CSGALNACT1: variants seen among roughly 807,000 people sequenced by gnomAD.
CSGALNACT1 encodes the protein chondroitin sulfate N-acetylgalactosaminyltransferase 1.
In CSGALNACT1, 52 loss-of-function variants were observed where a neutral mutation model predicts 51.0. That is an observed-to-expected ratio of 1.02 (90% CI 0.82 to 1.29). The LOEUF is 1.29. Ranked by LOEUF, CSGALNACT1 falls within the 50% of genes most tolerant of loss-of-function variation. The pLI, the probability that CSGALNACT1 is intolerant of heterozygous loss-of-function variation, is 0.00. For synonymous variants in CSGALNACT1, 341 were observed against 254.4 expected (o/e 1.34, Z -3.24); for missense variants, 935 against 679.2 (o/e 1.38, Z -4.19).
chr8:19,502,131 A>G (rs1337967748), intron 4 of CSGALNACT1, among the ~76,000 whole-genome samples: 2 of 152,200 alleles, frequency 1.3e-5, no homozygotes, highest in African/African-American at 4.8e-5. Flanking sequence ...TATAAGTAAC[A>G]TATCTGATTG....
chr8:19,459,525 T>G (rs2064918209), intron 4 of CSGALNACT1, among the ~76,000 whole-genome samples: 1 of 151,868 alleles, frequency 6.6e-6, no homozygotes, highest in African/African-American at 2.4e-5. Context: ...TCTAGAAGCA[T>G]TAAAATAACA....
At chr8:19,727,090 C>T (rs1458115806) in intron 1 of CSGALNACT1, among the ~76,000 whole-genome samples, 1 of 152,138 alleles carries the variant, frequency 6.6e-6, no homozygotes, top group African/African-American at 2.4e-5. Flanking sequence ...CACATCCATT[C>T]CTGGGGCTGA....
intron 1 of CSGALNACT1, among the ~76,000 whole-genome samples, chr8:19,658,695 C>A (rs137913283): frequency 6.6e-6 from 1 of 152,158 alleles, no homozygotes. Context: ...GATCGCGACA[C>A]TGCACTCCAG....
At chr8:19,610,615 C>A (rs1291881178) in intron 1 of CSGALNACT1, among the ~76,000 whole-genome samples, 1 of 152,192 alleles carries the variant, frequency 6.6e-6, no homozygotes, top group Non-Finnish European at 1.5e-5. Context: ...AGAAGGAGAA[C>A]AATGCAGAGT....
intron 6 of CSGALNACT1, among the ~76,000 whole-genome samples, chr8:19,423,977 A>G (rs959282081): frequency 1.3e-5 from 2 of 152,182 alleles, no homozygotes; most frequent in African/African-American, 2.4e-5. Flanking sequence ...ACACAGCACC[A>G]GACACCTCGG....
chr8:19,648,087 G>T (rs1470940447), intron 1 of CSGALNACT1, among the ~76,000 whole-genome samples: 3 of 152,050 alleles, frequency 2.0e-5, no homozygotes, highest in Admixed American at 2.0e-4. Flanking sequence ...GAATACTTTG[G>T]GAGTTAGTGA....
intron 1 of CSGALNACT1, among the ~76,000 whole-genome samples, chr8:19,720,776 T>C (rs1319896128): frequency 6.6e-6 from 1 of 152,228 alleles, no homozygotes; most frequent in Non-Finnish European, 1.5e-5. Flanking sequence ...TGCTGGCTCA[T>C]GCCCAAGAAT....
chr8:19,548,823 C>T (rs971414325), intron 3 of CSGALNACT1, among the ~76,000 whole-genome samples: 3 of 152,138 alleles, frequency 2.0e-5, no homozygotes, highest in South Asian at 2.1e-4. Context: ...AACTGCCATG[C>T]TTATCCCTTT....
chr8:19,573,105 C>A (rs980405677), intron 3 of CSGALNACT1, among the ~76,000 whole-genome samples: 2 of 152,194 alleles, frequency 1.3e-5, no homozygotes, highest in African/African-American at 4.8e-5. Flanking sequence ...AGGATACACT[C>A]CCATGGCGGT....
chr8:19,677,202 G>T (rs1295197301), intron 1 of CSGALNACT1, among the ~76,000 whole-genome samples: 1 of 151,914 alleles, frequency 6.6e-6, no homozygotes, highest in Admixed American at 6.6e-5. Context: ...TTGAGTTTTT[G>T]GGCTCAAGTG....
At chr8:19,458,739 T>A in intron 4 of CSGALNACT1, 97 bp from the exon 4 acceptor site, 1 of 1,118,712 alleles carries the variant, frequency 8.9e-7, no homozygotes, top group Non-Finnish European at 1.4e-6. Flanking sequence ...CTTTAAAAAG[T>A]GTTTAAGATG....
chr8:19,438,864 A>C (rs1423559144), intron 6 of CSGALNACT1, among the ~76,000 whole-genome samples: 2 of 152,242 alleles, frequency 1.3e-5, no homozygotes, highest in Admixed American at 1.3e-4. Context: ...GTAACAAAGC[A>C]TAAAAATAAA....
chr8:19,652,233 G>C (rs2154184802), intron 1 of CSGALNACT1, among the ~76,000 whole-genome samples: 1 of 152,310 alleles, frequency 6.6e-6, no homozygotes, highest in South Asian at 2.1e-4. Flanking sequence ...TTACAGGCAT[G>C]AGCCACCATA....
chr8:19,478,115 T>A (rs1250354869), intron 4 of CSGALNACT1, among the ~76,000 whole-genome samples: 1 of 142,784 alleles, frequency 7.0e-6, no homozygotes, highest in African/African-American at 2.5e-5. Flanking sequence ...TGGGGAGCTT[T>A]AAAAATACTC....
rs148893171 is a variant in CSGALNACT1, at chr8:19,527,499, A to C, written c.-296-21369T>G. Among the ~76,000 whole-genome samples the C allele has an allele frequency of 5.3e-5, 8 of 152,142 alleles. No individual in the cohort carries two copies. In the East Asian group the frequency reaches 1.5e-3, roughly 29 times the overall value. On this transcript the variant is annotated intron_variant, in intron 3 of 9. Coordinates refer to ENST00000454498, the Ensembl canonical transcript of CSGALNACT1. ...GTGGTGGGTGGCTACAGTCCCAGCT[A>C]CTCCAGAGGCTGAGGACGGAAAATC...
chr8:19,498,931 C>A (rs2075951466), intron 4 of CSGALNACT1, among the ~76,000 whole-genome samples: 1 of 152,126 alleles, frequency 6.6e-6, no homozygotes, highest in South Asian at 2.1e-4. Flanking sequence ...CTGCGAAATA[C>A]AGTGAGACCC....
chr8:19,440,500 T>C (rs894140320), intron 5 of CSGALNACT1, among the ~76,000 whole-genome samples: 138 of 151,786 alleles, frequency 9.1e-4, no homozygotes, highest in Admixed American at 1.8e-3. Flanking sequence ...AGAAAAGGCC[T>C]TTGACAAAAT....
chr8:19,555,440 C>G lies in CSGALNACT1; in HGVS notation c.-297+35720G>C, dbSNP rs1588271905. On this transcript the variant is annotated intron_variant, in intron 3 of 9. Coordinates refer to ENST00000454498, the Ensembl canonical transcript of CSGALNACT1. ...ACTATCAGATGCAGTAAGAGAGGTC[C>G]ACTTTAAAGGGCTATAACTCCCAAA... Among the ~76,000 whole-genome samples, 5 of 152,200 alleles carry G rather than the reference C, an allele frequency of 3.3e-5. No homozygotes were observed. In the East Asian group the frequency reaches 9.6e-4, roughly 29 times the overall value.
chr8:19,446,321 T>C (rs2062106374), intron 5 of CSGALNACT1, among the ~76,000 whole-genome samples: 1 of 152,190 alleles, frequency 6.6e-6, no homozygotes, highest in African/African-American at 2.4e-5. Flanking sequence ...TTGCCTCTGA[T>C]AGCACTTCTC....
Sources: gnomAD v4.1 joint callset for allele counts (sites outside exome capture counted in the v4.1 genomes callset) on GRCh38, gnomAD v4.1.1 for gene constraint, MANE v1.5 for transcripts, NCBI Gene and HGNC (gene_info 2026-07-23, HGNC 2026-07-21) for gene names.